The following RNF144B variants were observed in gnomAD, a reference collection of about 807,000 sequenced individuals.
The protein encoded by RNF144B is ring finger protein 144B.
A neutral mutation model predicts 40.2 loss-of-function variants in RNF144B; 25 were observed. That is an observed-to-expected ratio of 0.62 (90% CI 0.45 to 0.87). The LOEUF is 0.87. Ranked by LOEUF, RNF144B falls within the 40% of genes least tolerant of loss-of-function variation. The pLI is 0.00. For synonymous variants in RNF144B, 145 were observed against 136.3 expected, an observed-to-expected ratio of 1.06 and a Z score of -0.44; for missense variants, 365 against 373.7, an observed-to-expected ratio of 0.98 and a Z score of 0.19.
At position 18,459,793 on chromosome 6, in the gene RNF144B, G is replaced by C; in HGVS notation, c.681+42G>C. 1 of 1,552,764 alleles carries C rather than the reference G, an allele frequency of 6.4e-7. No individual in the cohort carries two copies. The highest frequency in any genetic ancestry group is 8.8e-7 in the Non-Finnish European group (1 of 1,134,762). On this transcript the variant is annotated intron_variant, in intron 6 of 7. Coordinates refer to ENST00000259939, the MANE Select transcript of RNF144B (RefSeq NM_182757.4). This position sits in a 1 kb window ranked among gnomAD's most constrained non-coding sequence, Gnocchi z 4.2. Reference sequence around the variant, plus strand: ...TTTGTTGTATGGTGTTTCCTATACTGTATCTGCACCACAGCTGATATCCTA... The same window carrying C: ...TTTGTTGTATGGTGTTTCCTATACTCTATCTGCACCACAGCTGATATCCTA...
At position 18,418,005 on chromosome 6, in the gene RNF144B, C is replaced by G. The variant is rs143734546; in HGVS notation, c.166-9576C>G. Reference sequence around the variant, plus strand: ...GTGAAAAGATGCTCAAAATCACTAGCCAACAGGGCAATGCAAATCGAAACC... The same window carrying G: ...GTGAAAAGATGCTCAAAATCACTAGGCAACAGGGCAATGCAAATCGAAACC... On this transcript the variant is annotated intron_variant, in intron 2 of 7. Transcript: ENST00000259939. The surrounding 1 kb of genome is among the most constrained non-coding windows in gnomAD (Gnocchi z 5.2). Among the ~76,000 whole-genome samples the G allele has an allele frequency of 2.3e-3, 344 of 152,210 alleles. 1 individual carries two copies. The highest frequency in any genetic ancestry group is 3.8e-3 in the Non-Finnish European group (261 of 68,004).
intron 1 of RNF144B, chr6:18,396,238 A>T: frequency 2.7e-6 from 1 of 365,206 alleles, no homozygotes; most frequent in Non-Finnish European, 3.8e-6. Context: ...TCAAAAGAAG[A>T]CTATTTCTAA....
intron 3 of RNF144B, among the ~76,000 whole-genome samples, chr6:18,435,765 C>T (rs1370221239): frequency 6.6e-5 from 10 of 151,308 alleles, no homozygotes; most frequent in Admixed American, 6.6e-4. Context: ...AGCAAACTAT[C>T]GCAAGGACAA....
intron 3 of RNF144B, among the ~76,000 whole-genome samples, chr6:18,438,868 G>GAAAATAA: frequency 6.6e-6 from 1 of 152,146 alleles, no homozygotes; most frequent in Non-Finnish European, 1.5e-5. Context: ...TTATATATGA[G>GAAAATAA]AAAATCTTTA....
chr6:18,456,416 G>C lies in RNF144B; in HGVS notation c.332-739G>C, dbSNP rs1759326723. The stretch of plus-strand genomic sequence containing the variant: ...GAAACCTCACTATCTGTTTCTCAGT[G>C]CCTGAAAGGACAAAGTCTTTTTGGA... On this transcript the variant is annotated intron_variant, in intron 4 of 7. Coordinates refer to ENST00000259939, the MANE Select transcript of RNF144B (RefSeq NM_182757.4). The surrounding 1 kb of genome is among the most constrained non-coding windows in gnomAD (Gnocchi z 4.7). 1.3e-5 allele frequency among the ~76,000 whole-genome samples: 2 copies of C among 152,178 alleles called. No individual in the cohort carries two copies. The highest frequency in any genetic ancestry group is 4.8e-5 in the African/African-American group (2 of 41,434).
At position 18,467,625 on chromosome 6, in the gene RNF144B, A is replaced by C. The variant is rs1346881829; in HGVS notation, c.*2558A>C. On this transcript the variant is annotated 3_prime_UTR_variant, in exon 8 of 8. Transcript: ENST00000259939. Reference sequence around the variant, plus strand: ...CCAGTCTAAAGACTGTTTATAAAGGAGAGAGCTGGCGACTTATTTTTATTT... The same window carrying C: ...CCAGTCTAAAGACTGTTTATAAAGGCGAGAGCTGGCGACTTATTTTTATTT... 6.6e-6 allele frequency: 1 copy of C among 151,006 alleles called. No homozygotes were observed. Among genetic ancestry groups the C allele is most frequent in the Non-Finnish European group, 1.5e-5 (1 of 67,806 alleles). 9.4% of individuals were successfully genotyped at this position (151,006 alleles called of 1,614,324 possible).
chr6:18,440,289 C>T (rs1191184497), intron 4 of RNF144B, among the ~76,000 whole-genome samples: 2 of 152,046 alleles, frequency 1.3e-5, no homozygotes, highest in Non-Finnish European at 2.9e-5. Context: ...TTCTATTTAG[C>T]TATAAGAATT....
Position 18,418,051 on chromosome 6 carries a change from A to G in RNF144B, c.166-9530A>G, listed in dbSNP as rs549937570. On this transcript the variant is annotated intron_variant, in intron 2 of 7. Transcript: ENST00000259939. This position sits in a 1 kb window ranked among gnomAD's most constrained non-coding sequence, Gnocchi z 5.2. ...AAACCACAATGATATTCGACTTCAC[A>G]TTAAGATGGCTATAATAAAAAAGAC... Among the ~76,000 whole-genome samples, 2 of 152,352 alleles carry G rather than the reference A, an allele frequency of 1.3e-5. No homozygotes were observed. Among genetic ancestry groups the G allele is most frequent in the African/African-American group, 4.8e-5 (2 of 41,596 alleles).
chr6:18,405,947 G>T lies in RNF144B; in HGVS notation c.165+6248G>T. ...AGTCCTAGAATTGTAAGTGACCTTA[G>T]ATCTTCTAGTTCCCCCACCCTCCTA... On this transcript the variant is annotated intron_variant, in intron 2 of 7. Coordinates refer to ENST00000259939, the MANE Select transcript of RNF144B (RefSeq NM_182757.4). The surrounding 1 kb of genome is among the most constrained non-coding windows in gnomAD (Gnocchi z 4.5). The T allele has an allele frequency of 2.1e-6, 1 of 480,774 alleles. No individual in the cohort carries two copies. The highest frequency in any genetic ancestry group is 4.1e-6 in the Non-Finnish European group (1 of 241,230). 29.8% of individuals were successfully genotyped at this position (480,774 alleles called of 1,614,324 possible). A position where few individuals can be genotyped will look rare whatever the true frequency, so the allele number is the denominator to read the frequency against.
rs574406704 is a variant in RNF144B at position 18,405,259 on chromosome 6, C to T, written c.165+5560C>T. Among the ~76,000 whole-genome samples, 5 of 151,862 alleles carry T rather than the reference C, an allele frequency of 3.3e-5. No homozygotes were observed. The highest frequency in any genetic ancestry group is 6.6e-5 in the Admixed American group (1 of 15,248). On this transcript the variant is annotated intron_variant, in intron 2 of 7. Transcript: ENST00000259939. The surrounding 1 kb of genome is among the most constrained non-coding windows in gnomAD (Gnocchi z 4.5). Reference sequence around the variant, plus strand: ...CACAATCTCGGCTCACTGTAACTTCCGCCTCCCGGGTTCAAGTGGTTCTCC... The same window carrying T: ...CACAATCTCGGCTCACTGTAACTTCTGCCTCCCGGGTTCAAGTGGTTCTCC...
At chr6:18,429,906 C>G (rs1159411953) in intron 3 of RNF144B, among the ~76,000 whole-genome samples, 1 of 152,108 alleles carries the variant, frequency 6.6e-6, no homozygotes, top group Non-Finnish European at 1.5e-5. Context: ...TCTTATGGAG[C>G]TTCTGGTCCA....
intron 1 of RNF144B, among the ~76,000 whole-genome samples, chr6:18,397,439 T>C (rs1336475789): frequency 5.9e-5 from 9 of 152,204 alleles, no homozygotes; most frequent in Non-Finnish European, 1.2e-4. Context: ...TAGTAAGAAC[T>C]ATAGGATTTT....
In RNF144B at chr6:18,459,840, G is replaced by A. The variant is rs1181161200; in HGVS notation, c.681+89G>A. The A allele has an allele frequency of 3.9e-6, 5 of 1,279,198 alleles. No homozygotes were observed. The highest frequency in any genetic ancestry group is 3.0e-5 in the African/African-American group (2 of 66,910). The allele number at this position is 1,279,198 out of a possible 1,614,324, so 79.2% of individuals were successfully genotyped here. A position where few individuals can be genotyped will look rare whatever the true frequency, so the allele number is the denominator to read the frequency against. On this transcript the variant is annotated intron_variant, in intron 6 of 7. Transcript: ENST00000259939. The surrounding 1 kb of genome is among the most constrained non-coding windows in gnomAD (Gnocchi z 4.2). ...CCTACAGATTTTCCTTTAAAATATT[G>A]GGGCAATTTTTGTCCTGCAAAAGGA...
At chr6:18,432,498 A>G (rs9477743) in intron 3 of RNF144B, among the ~76,000 whole-genome samples, 5,022 of 152,362 alleles carry the variant, frequency 0.033, 164 homozygotes, top group African/African-American at 0.08. Context: ...AATCATGTCC[A>G]ACATGAAATT....
intron 2 of RNF144B, among the ~76,000 whole-genome samples, chr6:18,411,724 C>A (rs1795051773): frequency 6.6e-6 from 1 of 151,314 alleles, no homozygotes; most frequent in African/African-American, 2.4e-5. Flanking sequence ...GAGCTCCTGA[C>A]CTCAGGTGAT....
In RNF144B at chr6:18,398,121, A is replaced by C. The variant is rs952991570; in HGVS notation, c.-36-1378A>C. 2.3e-4 allele frequency among the ~76,000 whole-genome samples: 35 copies of C among 151,826 alleles called. No individual in the cohort carries two copies. Among genetic ancestry groups the C allele is most frequent in the East Asian group, 5.8e-4 (3 of 5,146 alleles). On this transcript the variant is annotated intron_variant, in intron 1 of 7. Coordinates refer to ENST00000259939, the MANE Select transcript of RNF144B (RefSeq NM_182757.4). The surrounding 1 kb of genome is among the most constrained non-coding windows in gnomAD (Gnocchi z 5.0). ...GAGACCCTTTCTCTAGGAAAAAAAAACCCCACAAACAGTAACTCTTCATTT... is the reference window on the plus strand; with the variant it reads ...GAGACCCTTTCTCTAGGAAAAAAAACCCCCACAAACAGTAACTCTTCATTT...
At chr6:18,390,936 A>G (rs1794566717) in intron 1 of RNF144B, among the ~76,000 whole-genome samples, 1 of 152,002 alleles carries the variant, frequency 6.6e-6, no homozygotes, top group Non-Finnish European at 1.5e-5. Flanking sequence ...ATTGGCAAAG[A>G]CATACAAAAA....
chr6:18,427,679 A>G lies in RNF144B; in HGVS notation c.264A>G (p.Glu88=). Residue 88 remains glutamate (E), a synonymous_variant, in exon 3 of 8, where the codon GAA becomes GAG. Transcript: ENST00000259939. ...MVCLNHGTLQ[E]AEIACLVPVD... is the part of the protein sequence containing the mutation. The stretch of plus-strand genomic sequence containing the variant: ...GCCTAAACCACGGGACCCTGCAGGA[A>G]GCTGAGGTATGAATGACTACCATCA... The G allele has an allele frequency of 5.0e-6, 8 of 1,602,218 alleles. No individual in the cohort carries two copies. Among genetic ancestry groups the G allele is most frequent in the Non-Finnish European group, 6.0e-6 (7 of 1,169,384 alleles).
chr6:18,403,492 A>G (rs1794833362), intron 2 of RNF144B, among the ~76,000 whole-genome samples: 1 of 152,148 alleles, frequency 6.6e-6, no homozygotes, highest in South Asian at 2.1e-4. Flanking sequence ...CCTTTTTTCC[A>G]TTACGTTCTA....
Sources: gnomAD v4.1 joint callset for allele counts (sites outside exome capture counted in the v4.1 genomes callset) on GRCh38, gnomAD v4.1.1 for gene constraint, Gnocchi (gnomAD v3.1) non-coding constraint, MANE v1.5 for transcripts, NCBI Gene and HGNC (gene_info 2026-07-23, HGNC 2026-07-21) for gene names.